Variants in FCN2 observed in about 807,000 individuals in gnomAD.
FCN2 encodes the protein ficolin-2.
In FCN2, 31 loss-of-function variants were observed where a neutral mutation model predicts 32.5. The ratio of observed to expected loss-of-function variants is 0.96; its 90% CI spans 0.72 to 1.29. The LOEUF (loss-of-function observed/expected upper bound fraction) is 1.29, where lower values mean the gene tolerates loss of function less well. Among genes scored for constraint, FCN2 ranks in the 50% most tolerant of loss-of-function variants. The probability of loss-of-function intolerance (pLI) is 0.00; values close to 1 mark genes in which losing one functional copy is unlikely to be tolerated. For synonymous variants in FCN2, 181 were observed against 164.5 expected, an observed-to-expected ratio of 1.10 and a Z score of -0.77; for missense variants, 412 against 406.5, an observed-to-expected ratio of 1.01 and a Z score of -0.12.
upstream of FCN2, among the ~76,000 whole-genome samples, chr9:134,876,719 C>T (rs756362647): frequency 3.3e-5 from 5 of 152,206 alleles, no homozygotes; most frequent in Non-Finnish European, 7.3e-5. Context: ...GCTGAGATTA[C>T]AGGTGCCTAC....
At chr9:134,882,497 A>C in intron 1 of FCN2, 29 bp from the exon 2 acceptor site, 1 of 1,561,518 alleles carries the variant, frequency 6.4e-7, no homozygotes, top group Non-Finnish European at 8.8e-7. Flanking sequence ...CCCAGGTGAC[A>C]CTGAGTGGCC....
chr9:134,883,918 C>T (rs1830705151), intron 3 of FCN2, among the ~76,000 whole-genome samples: 1 of 148,362 alleles, frequency 6.7e-6, no homozygotes, highest in African/African-American at 2.5e-5. Flanking sequence ...GGAGCATCTG[C>T]CCTGTGGGTG....
intron 2 of FCN2, among the ~76,000 whole-genome samples, chr9:134,882,924 T>C (rs1564206672): frequency 6.6e-6 from 1 of 152,234 alleles, no homozygotes; most frequent in Non-Finnish European, 1.5e-5. Flanking sequence ...TCAAGCTCTG[T>C]GTCCCTCCAC....
At chr9:134,883,047 G>T (rs1219256089) in intron 2 of FCN2, among the ~76,000 whole-genome samples, 1 of 152,070 alleles carries the variant, frequency 6.6e-6, no homozygotes, top group Non-Finnish European at 1.5e-5. Flanking sequence ...GGAAGGAAAA[G>T]AGCCGAGATT....
At position 134,887,308 on chromosome 9, in the gene FCN2, T is replaced by A. The variant is rs1830774170; in HGVS notation, c.835T>A (p.Tyr279Asn). 3.7e-6 allele frequency: 6 copies of A among 1,614,178 alleles called. No individual in the cohort carries two copies. In the East Asian group the frequency reaches 1.3e-4, roughly 36 times the overall value. The change falls in exon 8 of 8, where the codon TAC becomes AAC. Residue 279 changes from tyrosine to asparagine, a missense_variant. Coordinates refer to ENST00000291744, the MANE Select transcript of FCN2 (RefSeq NM_004108.3). Reference sequence around the variant, plus strand: ...CCATGTGTCAAACCTGAATGGTCGCTACCTCAGGGGGACTCATGGCAGCTT... The same window carrying A: ...CCATGTGTCAAACCTGAATGGTCGCAACCTCAGGGGGACTCATGGCAGCTT... ...NCHVSNLNGR[Y>N]LRGTHGSFAN...
upstream of FCN2, among the ~76,000 whole-genome samples, chr9:134,878,225 A>G (rs767197485): frequency 1.3e-4 from 20 of 152,138 alleles, no homozygotes; most frequent in Non-Finnish European, 2.6e-4. Flanking sequence ...TGCCTATCCT[A>G]TTAGTTCTGT....
In FCN2 at chr9:134,883,260, G is replaced by A. The variant is rs1206523391; in HGVS notation, c.215-42G>A. The A allele has an allele frequency of 2.6e-6, 4 of 1,543,504 alleles. No homozygotes were observed. In the Admixed American group the frequency reaches 5.0e-5, roughly 19 times the overall value. Reference sequence around the variant, plus strand: ...TCCAGGGTGGGCCCTTTGATCCTGGGCTGGGCAGTTTTCCTCAAGTCAGTG... The same window carrying A: ...TCCAGGGTGGGCCCTTTGATCCTGGACTGGGCAGTTTTCCTCAAGTCAGTG... On this transcript the variant is annotated intron_variant, in intron 2 of 7. Transcript: ENST00000291744.
chr9:134,876,575 A>T (rs1054668690), upstream of FCN2, among the ~76,000 whole-genome samples: 11 of 152,080 alleles, frequency 7.2e-5, 1 homozygote, highest in Admixed American at 7.2e-4. Flanking sequence ...TTATATGTAT[A>T]GTTTTGTTTT....
the FCN2 span, among the ~76,000 whole-genome samples, chr9:134,871,226 T>A: frequency 1.5e-4 from 23 of 152,268 alleles, no homozygotes; most frequent in African/African-American, 5.1e-4. Context: ...TGAGGACTGG[T>A]GGAATGAATT....
chr9:134,884,871 T>C (rs1830721882), intron 4 of FCN2, 99 bp downstream of exon 4: 2 of 1,104,420 alleles, frequency 1.8e-6, no homozygotes, highest in South Asian at 1.3e-5. Flanking sequence ...GTGACAAATA[T>C]GAACAGAAGA....
At chr9:134,881,746 G>A (rs1222024623) in intron 1 of FCN2, among the ~76,000 whole-genome samples, 1 of 152,220 alleles carries the variant, frequency 6.6e-6, no homozygotes, top group South Asian at 2.1e-4. Flanking sequence ...GAACAGCGGG[G>A]ATTCGCTTGG....
chr9:134,880,143 C>G (rs1830642869), upstream of FCN2, among the ~76,000 whole-genome samples: 1 of 152,154 alleles, frequency 6.6e-6, no homozygotes, highest in Non-Finnish European at 1.5e-5. Context: ...CATTCACACT[C>G]AAGGTCTCCC....
chr9:134,887,021 C>A, intron 7 of FCN2, 147 bp from the exon 8 acceptor site: 3 of 943,130 alleles, frequency 3.2e-6, no homozygotes, highest in Non-Finnish European at 5.1e-6. Flanking sequence ...TCACTGGAGT[C>A]ATGGATTGCA....
intron 1 of FCN2, among the ~76,000 whole-genome samples, chr9:134,881,491 C>T (rs1237118369): frequency 6.6e-6 from 1 of 152,140 alleles, no homozygotes; most frequent in Non-Finnish European, 1.5e-5. Flanking sequence ...AGGGGACACT[C>T]GGGTGCCAAA....
Position 134,887,295 on chromosome 9 carries a change from C to A in FCN2, c.822C>A (p.Asn274Lys). Reference protein sequence around the residue: ...AWWYKNCHVSNLNGRYLRGTH... With the variant: ...AWWYKNCHVSKLNGRYLRGTH... ...GGTACAAAAACTGCCATGTGTCAAA[C>A]CTGAATGGTCGCTACCTCAGGGGGA... The change falls in exon 8 of 8, where the codon AAC becomes AAA. Residue 274 changes from asparagine to lysine, a missense_variant. Asn to Lys is a moderately conservative substitution (Grantham distance 94). Transcript: ENST00000291744. 2 of 1,614,196 alleles carry A rather than the reference C, an allele frequency of 1.2e-6. No individual in the cohort carries two copies. Among genetic ancestry groups the A allele is most frequent in the Non-Finnish European group, 1.7e-6 (2 of 1,180,036 alleles).
rs145512341 is a variant in FCN2, at chr9:134,885,367, G to A, written c.429+1G>A. On this transcript the variant is annotated splice_donor_variant, in intron 5 of 7. Transcript: ENST00000291744. LOFTEE classifies it high-confidence loss of function. ...GGACACGGACGGAGGGGGCTGGACC[G>A]TGAGTGTGGGGCTGGGCAGAGGCGG... 2.4e-5 allele frequency: 38 copies of A among 1,613,322 alleles called. No homozygotes were observed. The highest frequency in any genetic ancestry group is 1.6e-4 in the East Asian group (7 of 44,862).
Position 134,881,230 on chromosome 9 carries a change from G to C in FCN2, c.100+309G>C, listed in dbSNP as rs566246990. Among the ~76,000 whole-genome samples, 3 of 152,304 alleles carry C rather than the reference G, an allele frequency of 2.0e-5. No individual in the cohort carries two copies. In the South Asian group the frequency reaches 6.2e-4, roughly 32 times the overall value. ...CGTAGTCATGGTGTTGTGTGGGGAG[G>C]TGAGGCTTGTGGTGCCAGCTGGGTA... is the stretch of plus-strand genomic sequence containing the variant. On this transcript the variant is annotated intron_variant, in intron 1 of 7. Coordinates refer to ENST00000291744, the MANE Select transcript of FCN2 (RefSeq NM_004108.3).
chr9:134,879,617 G>T (rs945517923), upstream of FCN2, among the ~76,000 whole-genome samples: 4 of 152,216 alleles, frequency 2.6e-5, no homozygotes, highest in South Asian at 8.3e-4. Context: ...TCTGCATCTG[G>T]CATAGCCTTA....
chr9:134,883,465 A>G (rs1201035025), intron 3 of FCN2, 110 bp downstream of exon 3: 12 of 982,516 alleles, frequency 1.2e-5, no homozygotes, highest in Admixed American at 1.8e-5. Flanking sequence ...GCCAGAGCCA[A>G]CGCCTGCCCA....
Sources: allele counts gnomAD v4.1 joint callset (sites outside exome capture counted in the v4.1 genomes callset), GRCh38; gene constraint gnomAD v4.1.1; transcripts MANE v1.5; gene names NCBI Gene and HGNC (gene_info 2026-07-23, HGNC 2026-07-21).